The following ABCA13 variants were observed in gnomAD, a reference collection of about 807,000 sequenced individuals.
ABCA13 encodes the protein ATP binding cassette subfamily A member 13.
In ABCA13, 476 loss-of-function variants were observed where a neutral mutation model predicts 478.7. The observed-to-expected ratio is 0.99, with a 90% CI of 0.92 to 1.07. The LOEUF (loss-of-function observed/expected upper bound fraction) is 1.07, where lower values mean the gene tolerates loss of function less well. ABCA13 is among the 50% of genes least tolerant of loss of function. The probability of loss-of-function intolerance (pLI) is 0.00; values close to 1 mark genes in which losing one functional copy is unlikely to be tolerated. For missense variants in ABCA13, 6,060 were observed against 5,910.6 expected (o/e 1.03, Z -0.83); for synonymous variants, 2,252 against 2,158.9 (o/e 1.04, Z -1.20).
intron 55 of ABCA13, among the ~76,000 whole-genome samples, chr7:48,556,458 TA>T (rs2131229349): frequency 6.6e-6 from 1 of 152,166 alleles, no homozygotes; most frequent in Non-Finnish European, 1.5e-5. Context: ...TCTCTCATAA[TA>T]TTTGCTTTAT....
chr7:48,378,390 A>G (rs1315984474), intron 35 of ABCA13, among the ~76,000 whole-genome samples: 2 of 152,194 alleles, frequency 1.3e-5, no homozygotes, highest in African/African-American at 4.8e-5. Context: ...GGAAATTAAA[A>G]AAAATTGTTT....
intron 19 of ABCA13, among the ~76,000 whole-genome samples, chr7:48,282,679 C>T (rs760832849): frequency 3.9e-5 from 6 of 152,234 alleles, no homozygotes; most frequent in East Asian, 3.9e-4. Context: ...ATTATTATTT[C>T]GATTACTATC....
chr7:48,359,306 C>A (rs1466422053), intron 31 of ABCA13, among the ~76,000 whole-genome samples: 1 of 151,960 alleles, frequency 6.6e-6, no homozygotes, highest in Non-Finnish European at 1.5e-5. Flanking sequence ...ATGACTCTGG[C>A]AATGGCTGAG....
intron 42 of ABCA13, among the ~76,000 whole-genome samples, chr7:48,454,804 C>T (rs1478514496): frequency 6.6e-6 from 1 of 152,232 alleles, no homozygotes; most frequent in African/African-American, 2.4e-5. Context: ...CGCCCTGCTC[C>T]TGCCACGCGT....
At chr7:48,588,394 C>G (rs1391459485) in intron 57 of ABCA13, among the ~76,000 whole-genome samples, 1 of 152,214 alleles carries the variant, frequency 6.6e-6, no homozygotes, top group Non-Finnish European at 1.5e-5. Flanking sequence ...TTTGCCCAGC[C>G]TCTTACAATG....
In ABCA13 at chr7:48,295,809, G is replaced by C. The variant is rs907739448; in HGVS notation, c.9065G>C (p.Gly3022Ala). ...AAGAGCAGCTTGGAAAATGCCACTG[G>C]CCAGGACTGCACAAGCCAGCCGAGG... ...SFKSSLENAT[G>A]QDCTSQPRLE... Residue 3022 changes from glycine to alanine, a missense_variant, in exon 21 of 62, where the codon GGC (glycine) becomes GCC (alanine). Gly to Ala is a moderately conservative substitution (Grantham distance 60). Coordinates refer to ENST00000435803, the MANE Select transcript of ABCA13 (RefSeq NM_152701.5). 2 of 1,613,916 alleles carry C rather than the reference G, an allele frequency of 1.2e-6. No homozygotes were observed. The highest frequency in any genetic ancestry group is 4.5e-5 in the East Asian group (2 of 44,876).
chr7:48,251,442 C>G lies in ABCA13; in HGVS notation c.2005+2091C>G, dbSNP rs527854112. Among the ~76,000 whole-genome samples, 4 of 152,172 alleles carry G rather than the reference C, an allele frequency of 2.6e-5. No individual in the cohort carries two copies. In the East Asian group the frequency reaches 7.7e-4, roughly 29 times the overall value. On this transcript the variant is annotated intron_variant, in intron 15 of 61. Coordinates refer to ENST00000435803, the MANE Select transcript of ABCA13 (RefSeq NM_152701.5). ...TCATTTTCAGATGAGAAAATTGAGG[C>G]TCAGAAAGATTTTATTCCTAGCATA...
chr7:48,313,103 T>G lies in ABCA13; in HGVS notation c.9553T>G (p.Ser3185Ala). 2 of 1,610,628 alleles carry G rather than the reference T, an allele frequency of 1.2e-6. No individual in the cohort carries two copies. The highest frequency in any genetic ancestry group is 1.7e-6 in the Non-Finnish European group (2 of 1,178,536). Residue 3185 changes from serine (S) to alanine (A), a missense_variant, in exon 25 of 62, where the codon TCC (serine) becomes GCC (alanine). Physicochemically the swap from Ser to Ala is moderately conservative, Grantham distance 99. Coordinates refer to ENST00000435803, the MANE Select transcript of ABCA13 (RefSeq NM_152701.5). The part of the protein sequence containing the change: ...MPSEANGLLN[S>A]LLDIVSSLSA... ...TTCTGAAGCAAATGGCTTGCTCAAC[T>G]CCTTGCTGGATATAGTTTCCAGCCT...
chr7:48,482,824 C>T (rs373835119), intron 46 of ABCA13, among the ~76,000 whole-genome samples: 10 of 152,312 alleles, frequency 6.6e-5, no homozygotes, highest in African/African-American at 2.2e-4. Context: ...GACAAGTACA[C>T]TTTCTAATGT....
intron 38 of ABCA13, among the ~76,000 whole-genome samples, chr7:48,392,497 G>A (rs997816994): frequency 6.6e-6 from 1 of 152,156 alleles, no homozygotes; most frequent in African/African-American, 2.4e-5. Context: ...TTGTCAAGAA[G>A]CTGATTAGTC....
chr7:48,357,342 T>G (rs1810091919), intron 31 of ABCA13, among the ~76,000 whole-genome samples: 1 of 151,970 alleles, frequency 6.6e-6, no homozygotes, highest in Non-Finnish European at 1.5e-5. Context: ...TTGATGACCC[T>G]CAGCGCTCAG....
intron 14 of ABCA13, 72 bp downstream of exon 14, chr7:48,248,516 C>A: frequency 1.7e-6 from 2 of 1,211,036 alleles, no homozygotes; most frequent in South Asian, 1.8e-5. Context: ...CCCTTCTACA[C>A]AAATGATAGA....
intron 42 of ABCA13, among the ~76,000 whole-genome samples, chr7:48,441,688 C>T (rs1823613773): frequency 6.6e-6 from 1 of 152,082 alleles, no homozygotes; most frequent in Admixed American, 6.5e-5. Context: ...GTGGATCGGA[C>T]ACTATGATAG....
At chr7:48,208,206 A>G (rs745933208) in intron 3 of ABCA13, among the ~76,000 whole-genome samples, 23 of 152,192 alleles carry the variant, frequency 1.5e-4, no homozygotes, top group Non-Finnish European at 2.8e-4. Flanking sequence ...TTTGTAGTAT[A>G]TTTTGAAATC....
chr7:48,308,573 GGCTGAT>G (rs1801260244), intron 23 of ABCA13, among the ~76,000 whole-genome samples: 1 of 152,034 alleles, frequency 6.6e-6, no homozygotes, highest in Admixed American at 6.5e-5. Context: ...ACACTACAAT[GGCTGAT>G]GTCACTAGAA....
chr7:48,392,037 A>G lies in ABCA13; in HGVS notation c.11771A>G (p.Asp3924Gly). The stretch of plus-strand genomic sequence containing the variant: ...GAGCTTGGTGTGTGTCCGCAGCAGG[A>G]CATCCTGTTGGACAACCTCACCGTC... ...RMELGVCPQQ[D>G]ILLDNLTVRE... The change falls in exon 38 of 62, where the codon GAC becomes GGC. Residue 3924 changes from aspartate to glycine, a missense_variant. Physicochemically the swap from Asp to Gly is moderately conservative, Grantham distance 94. Coordinates refer to ENST00000435803, the MANE Select transcript of ABCA13 (RefSeq NM_152701.5). 6.2e-7 allele frequency: 1 copy of G among 1,614,028 alleles called. No homozygotes were observed. The highest frequency in any genetic ancestry group is 1.1e-5 in the South Asian group (1 of 91,088).
In ABCA13 at chr7:48,475,458, A is replaced by ATTT. The variant is rs398047655; in HGVS notation, c.12975+3882_12975+3884dup. Reference sequence around the variant, plus strand: ...GGGTCTGCAAGAGCATGTCAATTTAATTTTTTTTTTTTTTTTTTTTTTTTT... The same window carrying ATTT: ...GGGTCTGCAAGAGCATGTCAATTTAATTTTTTTTTTTTTTTTTTTTTTTTTTTT... On this transcript the variant is annotated intron_variant, in intron 45 of 61. Transcript: ENST00000435803. Among the ~76,000 whole-genome samples, 334 of 100,488 alleles carry ATTT rather than the reference A, an allele frequency of 3.3e-3. 3 individuals carry two copies. Among genetic ancestry groups the ATTT allele is most frequent in the East Asian group, 6.6e-3 (21 of 3,194 alleles). 65.9% of individuals were successfully genotyped at this position (100,488 alleles called of 152,430 possible). A position where few individuals can be genotyped will look rare whatever the true frequency, so the allele number is the denominator to read the frequency against.
At chr7:48,266,403 G>GT (rs1160812239) in intron 15 of ABCA13, among the ~76,000 whole-genome samples, 1 of 151,640 alleles carries the variant, frequency 6.6e-6, no homozygotes, top group Non-Finnish European at 1.5e-5. Flanking sequence ...GGCTTTTAGG[G>GT]TTTTTTATTA....
chr7:48,608,344 G>A (rs555848629), intron 58 of ABCA13, among the ~76,000 whole-genome samples: 3 of 152,290 alleles, frequency 2.0e-5, no homozygotes, highest in African/African-American at 4.8e-5. Flanking sequence ...AGAAGTTCAG[G>A]CTATTTTCAT....
Sources: allele counts gnomAD v4.1 joint callset (sites outside exome capture counted in the v4.1 genomes callset), GRCh38; gene constraint gnomAD v4.1.1; transcripts MANE v1.5; gene names NCBI Gene and HGNC (gene_info 2026-07-23, HGNC 2026-07-21).